The following MTA3 variants were observed in gnomAD, a reference collection of about 807,000 sequenced individuals.
MTA3 encodes metastasis-associated protein MTA3.
In MTA3, 34 loss-of-function variants were observed where a neutral mutation model predicts 83.5. The ratio of observed to expected loss-of-function variants is 0.41; its 90% confidence interval spans 0.31 to 0.54. The LOEUF (loss-of-function observed/expected upper bound fraction) is 0.54, where lower values mean the gene tolerates loss of function less well. Among genes scored for constraint, MTA3 ranks in the 20% least tolerant of loss-of-function variants. MTA3 has a pLI of 0.33. For missense variants in MTA3, 761 were observed against 726.4 expected, an observed-to-expected ratio of 1.05 and a Z score of -0.55; for synonymous variants, 303 against 252.7, an observed-to-expected ratio of 1.20 and a Z score of -1.89.
chr2:42,667,822 A>AT (rs1252660667), intron 8 of MTA3, among the ~76,000 whole-genome samples: 1 of 152,122 alleles, frequency 6.6e-6, no homozygotes, highest in African/African-American at 2.4e-5. Flanking sequence ...GCTAAGTAAT[A>AT]ATACATTGTG....
At chr2:42,681,532 A>G (rs1691910871) in intron 8 of MTA3, among the ~76,000 whole-genome samples, 1 of 151,942 alleles carries the variant, frequency 6.6e-6, no homozygotes, top group Admixed American at 6.6e-5. Context: ...TTATTTTTTG[A>G]GATAGGCTGT....
chr2:42,627,192 C>T (rs1004131742), intron 4 of MTA3, among the ~76,000 whole-genome samples: 1 of 152,118 alleles, frequency 6.6e-6, no homozygotes, highest in East Asian at 1.9e-4. Context: ...ATCCTCTCAC[C>T]TCAGCCTCCT....
chr2:42,516,504 T>C (rs1295207637), intron 2 of MTA3, among the ~76,000 whole-genome samples: 6 of 152,194 alleles, frequency 3.9e-5, no homozygotes, highest in Admixed American at 2.6e-4. Flanking sequence ...TTTTACAGAA[T>C]TCTAATGTTC....
chr2:42,624,739 A>T (rs1420991686), intron 4 of MTA3, among the ~76,000 whole-genome samples: 1 of 152,240 alleles, frequency 6.6e-6, no homozygotes, highest in East Asian at 1.9e-4. Flanking sequence ...TATGAAATTC[A>T]TAATTTAATA....
intron 8 of MTA3, among the ~76,000 whole-genome samples, chr2:42,664,855 C>G (rs559728560): frequency 6.6e-6 from 1 of 152,038 alleles, no homozygotes; most frequent in South Asian, 2.1e-4. Context: ...TCGATTTATC[C>G]GAGACAATTT....
At chr2:42,644,477 C>T (rs950724949) in intron 6 of MTA3, among the ~76,000 whole-genome samples, 3 of 152,214 alleles carry the variant, frequency 2.0e-5, no homozygotes, top group South Asian at 4.1e-4. Flanking sequence ...CCTCCCACCT[C>T]GGACTCCCAA....
Position 42,755,761 on chromosome 2 carries a change from G to A in MTA3, c.*2362G>A. The A allele has an allele frequency of 1.0e-6, 1 of 985,576 alleles. No homozygotes were observed. Among genetic ancestry groups the A allele is most frequent in the Non-Finnish European group, 1.2e-6 (1 of 830,054 alleles). 61.1% of individuals were successfully genotyped at this position (985,576 alleles called of 1,614,324 possible). Reference sequence around the variant, plus strand: ...ATGGTGTCCCTGCTGTGTGTCAGTGGCATGTCACTGTGGTTCAGTGAGCAC... The same window carrying A: ...ATGGTGTCCCTGCTGTGTGTCAGTGACATGTCACTGTGGTTCAGTGAGCAC... On this transcript the variant is annotated 3_prime_UTR_variant, in exon 17 of 17. Transcript: ENST00000405094.
chr2:42,508,335 T>G (rs1287019398), intron 2 of MTA3, among the ~76,000 whole-genome samples: 1 of 152,110 alleles, frequency 6.6e-6, no homozygotes, highest in East Asian at 1.9e-4. Flanking sequence ...TATAGACTTA[T>G]TTTTTTCTTT....
chr2:42,501,019 C>G (rs566204912), intron 2 of MTA3, among the ~76,000 whole-genome samples: 1 of 152,182 alleles, frequency 6.6e-6, no homozygotes, highest in East Asian at 1.9e-4. Flanking sequence ...ACCGTGTTAG[C>G]CAGGATGATC....
chr2:42,708,755 C>T lies in MTA3; in HGVS notation c.1303-119C>T, dbSNP rs915685047. On this transcript the variant is annotated intron_variant, in intron 13 of 16. Coordinates refer to ENST00000405094, the MANE Select transcript of MTA3 (RefSeq NM_001330442.2). ...CTTTTAGAGGTAGTGCACCAAGTGA[C>T]GTTATAGATGCTTCATGAAAGATTT... 13 of 1,027,836 alleles carry T rather than the reference C, an allele frequency of 1.3e-5. No homozygotes were observed. The Admixed American group carries it at 1.9e-4, about 15-fold the overall frequency. The allele number at this position is 1,027,836 out of a possible 1,614,324, so 63.7% of individuals were successfully genotyped here.
intron 16 of MTA3, among the ~76,000 whole-genome samples, chr2:42,725,834 G>C (rs955697573): frequency 3.9e-5 from 6 of 152,212 alleles, no homozygotes; most frequent in African/African-American, 1.2e-4. Context: ...AGACAGCAAA[G>C]GGGAAGTGTG....
At chr2:42,621,879 C>G (rs950573126) in intron 4 of MTA3, among the ~76,000 whole-genome samples, 10 of 149,432 alleles carry the variant, frequency 6.7e-5, no homozygotes, top group African/African-American at 1.7e-4. Context: ...CAGAGATGCT[C>G]CTCACTTCCT....
In MTA3 at chr2:42,644,241, G is replaced by A. The variant is rs771993953; in HGVS notation, c.496G>A (p.Glu166Lys). The part of the protein sequence containing the change: ...YQADIPEMLL[E>K]GESDEREQSK... ...AGCAGACATTCCAGAAATGCTGTTA[G>A]AAGGTACGTTTTTCTGCGTGTTTGC... Residue 166 changes from glutamate (E) to lysine (K), a missense_variant, in exon 6 of 17, where the codon GAA becomes AAA. By Grantham distance (56) the Glu-to-Lys change is moderately conservative. Coordinates refer to ENST00000405094, the MANE Select transcript of MTA3 (RefSeq NM_001330442.2). 6.2e-7 allele frequency: 1 copy of A among 1,602,318 alleles called. No individual in the cohort carries two copies. The highest frequency in any genetic ancestry group is 8.5e-7 in the Non-Finnish European group (1 of 1,172,942).
At chr2:42,595,946 A>G (rs1200230737) in intron 3 of MTA3, among the ~76,000 whole-genome samples, 2 of 152,166 alleles carry the variant, frequency 1.3e-5, no homozygotes, top group African/African-American at 2.4e-5. Flanking sequence ...TTCTGAAAGC[A>G]TTTGTCTGTG....
At chr2:42,513,892 A>G (rs1003541861) in intron 2 of MTA3, among the ~76,000 whole-genome samples, 1 of 152,200 alleles carries the variant, frequency 6.6e-6, no homozygotes, top group Admixed American at 6.6e-5. Context: ...CACTACCTCA[A>G]ATTGAGACAG....
intron 2 of MTA3, among the ~76,000 whole-genome samples, chr2:42,513,427 A>G (rs952188447): frequency 6.6e-6 from 1 of 152,160 alleles, no homozygotes; most frequent in Non-Finnish European, 1.5e-5. Context: ...GAGGACCACT[A>G]GGAGGTGCTG....
At chr2:42,715,406 C>CTTTTT (rs35673744) in intron 14 of MTA3, among the ~76,000 whole-genome samples, 4 of 104,164 alleles carry the variant, frequency 3.8e-5, no homozygotes, top group Non-Finnish European at 5.6e-5. Flanking sequence ...CCACCAACTA[C>CTTTTT]TTTTTTTTTT....
intron 4 of MTA3, among the ~76,000 whole-genome samples, chr2:42,611,199 G>T (rs1684164010): frequency 6.6e-6 from 1 of 151,680 alleles, no homozygotes; most frequent in African/African-American, 2.4e-5. Context: ...TGGCCAGGCT[G>T]GTCTCGAACT....
chr2:42,634,883 A>T (rs921528867), intron 4 of MTA3, among the ~76,000 whole-genome samples: 2 of 152,042 alleles, frequency 1.3e-5, no homozygotes, highest in Non-Finnish European at 2.9e-5. Flanking sequence ...TTCTAATATT[A>T]TCACAACTTT....
Sources: gnomAD v4.1 joint callset for allele counts (sites outside exome capture counted in the v4.1 genomes callset) on GRCh38, gnomAD v4.1.1 for gene constraint, MANE v1.5 for transcripts, NCBI Gene and HGNC (gene_info 2026-07-23, HGNC 2026-07-21) for gene names.